TRAF3IP1: variants seen among roughly 807,000 people sequenced by gnomAD.
TRAF3IP1 encodes the protein intraflagellar transport 54.
Under a neutral mutation model 89.9 loss-of-function variants are expected in TRAF3IP1, and 53 were observed. The observed-to-expected ratio is 0.59, with a 90% CI of 0.47 to 0.74. The LOEUF (loss-of-function observed/expected upper bound fraction) is 0.74. Among genes scored for constraint, TRAF3IP1 ranks in the 30% least tolerant of loss-of-function variants. The pLI, the probability that TRAF3IP1 is intolerant of heterozygous loss-of-function variation, is 0.00. For missense variants in TRAF3IP1, 806 were observed against 866.1 expected, an observed-to-expected ratio of 0.93 and a Z score of 0.87; for synonymous variants, 311 against 322.1, an observed-to-expected ratio of 0.97 and a Z score of 0.37.
intron 15 of TRAF3IP1, among the ~76,000 whole-genome samples, chr2:238,388,169 G>A (rs1559395029): frequency 1.3e-5 from 2 of 152,222 alleles, no homozygotes; most frequent in East Asian, 3.9e-4. Flanking sequence ...GAGGTCAGGA[G>A]TTCAAGACTA....
At chr2:238,329,994 G>C (rs1698041132) in intron 5 of TRAF3IP1, among the ~76,000 whole-genome samples, 1 of 152,200 alleles carries the variant, frequency 6.6e-6, no homozygotes, top group African/African-American at 2.4e-5. Flanking sequence ...AGTTTGAGCT[G>C]ATTTGCCAAG....
chr2:238,321,750 G>A (rs1697558594), intron 1 of TRAF3IP1, among the ~76,000 whole-genome samples: 1 of 152,194 alleles, frequency 6.6e-6, no homozygotes, highest in Non-Finnish European at 1.5e-5. Context: ...GGACCCAAGG[G>A]CACGTGGGAA....
chr2:238,386,535 A>T (rs1273784342), intron 15 of TRAF3IP1, among the ~76,000 whole-genome samples: 4 of 151,514 alleles, frequency 2.6e-5, no homozygotes, highest in African/African-American at 4.9e-5. Flanking sequence ...CTGGTCTTGA[A>T]CTCCTGACCT....
At chr2:238,350,432 T>A (rs1018899765) in intron 12 of TRAF3IP1, among the ~76,000 whole-genome samples, 12 of 152,186 alleles carry the variant, frequency 7.9e-5, no homozygotes, top group Non-Finnish European at 1.3e-4. Context: ...TACTTATTTT[T>A]CTCATGAGCC....
chr2:238,369,935 T>C (rs1700036794), intron 15 of TRAF3IP1, among the ~76,000 whole-genome samples: 2 of 152,200 alleles, frequency 1.3e-5, no homozygotes, highest in South Asian at 2.1e-4. Flanking sequence ...TCTGGAGAGC[T>C]CCTTCAAGCT....
intron 15 of TRAF3IP1, among the ~76,000 whole-genome samples, chr2:238,382,901 G>C (rs1700606094): frequency 6.6e-6 from 1 of 151,586 alleles, no homozygotes. Flanking sequence ...CCCCAAGTTG[G>C]AAGCCACGTG....
In TRAF3IP1 at chr2:238,320,758, C is replaced by T. The variant is rs778071226; in HGVS notation, c.96C>T (p.Phe32=). 372 of 1,436,654 alleles carry T rather than the reference C, an allele frequency of 2.6e-4. No homozygotes were observed. Among genetic ancestry groups the T allele is most frequent in the Non-Finnish European group, 3.4e-4 (364 of 1,082,216 alleles). 89.0% of individuals were successfully genotyped at this position (1,436,654 alleles called of 1,614,324 possible). A position where few individuals can be genotyped will look rare whatever the true frequency, so the allele number is the denominator to read the frequency against. Residue 32 remains phenylalanine (F), a synonymous_variant, in exon 1 of 17, where the codon TTC becomes TTT. Transcript: ENST00000373327. ...AGAAGCTGCTGAGCAAGCCCCCGTT[C>T]CGCTACCTGCACGACATCATCACGG... ...LTEKLLSKPP[F]RYLHDIITEV...
In TRAF3IP1 at chr2:238,373,146, G is replaced by A. The variant is rs138629554; in HGVS notation, c.1689+17066G>A. Among the ~76,000 whole-genome samples the A allele has an allele frequency of 1.1e-3, 165 of 152,146 alleles. 2 individuals carry two copies. Among genetic ancestry groups the A allele is most frequent in the African/African-American group, 3.6e-3 (150 of 41,498 alleles). ...AAACTCTTTAGTTTAATTAGATCCCGTTTGTGTATTTTGGCTTTTGTTGCC... is the reference window on the plus strand; with the variant it reads ...AAACTCTTTAGTTTAATTAGATCCCATTTGTGTATTTTGGCTTTTGTTGCC... On this transcript the variant is annotated intron_variant, in intron 15 of 16. Coordinates refer to ENST00000373327, the MANE Select transcript of TRAF3IP1 (RefSeq NM_015650.4).
chr2:238,386,925 T>C (rs1311679118), intron 15 of TRAF3IP1, among the ~76,000 whole-genome samples: 1 of 152,230 alleles, frequency 6.6e-6, no homozygotes, highest in African/African-American at 2.4e-5. Context: ...AATGATATTT[T>C]GCTCTGTATG....
Position 238,329,261 on chromosome 2 carries a change from C to T in TRAF3IP1, c.834C>T (p.Asp278=). 6.6e-7 allele frequency: 1 copy of T among 1,511,378 alleles called. No homozygotes were observed. The highest frequency in any genetic ancestry group is 8.8e-7 in the Non-Finnish European group (1 of 1,132,892). The allele number at this position is 1,511,378 out of a possible 1,614,324, so 93.6% of individuals were successfully genotyped here. A position where few individuals can be genotyped will look rare whatever the true frequency, so the allele number is the denominator to read the frequency against. Residue 278 remains aspartate (D), a synonymous_variant, in exon 5 of 17, where the codon GAC becomes GAT. Transcript: ENST00000373327. The part of the protein sequence containing the change: ...ERDRDKGKDR[D]RRRVKNGEHS... ...ACCGGGACAAAGGGAAGGACAGGGACAGACGGAGAGTGAAAAACGGGGAGC... is the reference window on the plus strand; with the variant it reads ...ACCGGGACAAAGGGAAGGACAGGGATAGACGGAGAGTGAAAAACGGGGAGC...
At position 238,333,972 on chromosome 2, in the gene TRAF3IP1, A is replaced by T. The variant is rs1222939838; in HGVS notation, c.1000A>T (p.Thr334Ser). Residue 334 changes from threonine (T) to serine (S), a missense_variant, in exon 7 of 17, where the codon ACT becomes TCT. By Grantham distance (58) the Thr-to-Ser change is moderately conservative. Transcript: ENST00000373327. The part of the protein sequence containing the change: ...SKAETETEIS[T>S]RASKSLTTKT... Reference sequence around the variant, plus strand: ...TTTTTTCTTTAAGACTGAGATTTCCACTAGAGCTTCCAAGTCATTGACAAC... The same window carrying T: ...TTTTTTCTTTAAGACTGAGATTTCCTCTAGAGCTTCCAAGTCATTGACAAC... 1 of 1,609,188 alleles carries T rather than the reference A, an allele frequency of 6.2e-7. No individual in the cohort carries two copies.
chr2:238,328,868 G>A (rs1305512245), intron 4 of TRAF3IP1, 39 bp downstream of exon 4: 1 of 1,601,298 alleles, frequency 6.2e-7, no homozygotes, highest in Admixed American at 1.7e-5. Context: ...ATGAAATAGT[G>A]AGTCTTTTTG....
In TRAF3IP1 at chr2:238,325,321, G is replaced by T. The variant is rs1448446488; in HGVS notation, c.139G>T (p.Gly47Cys). 2.5e-6 allele frequency: 4 copies of T among 1,614,002 alleles called. No individual in the cohort carries two copies. The highest frequency in any genetic ancestry group is 2.7e-5 in the African/African-American group (2 of 74,908). Reference protein sequence around the residue: ...DIITEVIRMTGFMKGLYTDAE... With the variant: ...DIITEVIRMTCFMKGLYTDAE... ...TCTCTTGAAGGTGATTAGAATGACT[G>T]GTTTCATGAAGGGCCTCTACACAGA... The change falls in exon 2 of 17, where the codon GGT (glycine) becomes TGT (cysteine). Residue 47 changes from glycine to cysteine, a missense_variant. Physicochemically the swap from Gly to Cys is radical, Grantham distance 159. This residue lies in a region of TRAF3IP1 where 732 missense variants were observed against 780.5 expected (regional missense o/e 0.94). Transcript: ENST00000373327.
intron 12 of TRAF3IP1, among the ~76,000 whole-genome samples, chr2:238,350,144 A>G (rs895546998): frequency 2.6e-5 from 4 of 152,210 alleles, no homozygotes; most frequent in Admixed American, 2.0e-4. Flanking sequence ...TTCAGATCAA[A>G]TAAGAGGCAG....
chr2:238,324,808 T>C (rs1260913694), intron 1 of TRAF3IP1, among the ~76,000 whole-genome samples: 3 of 152,004 alleles, frequency 2.0e-5, no homozygotes, highest in Non-Finnish European at 2.9e-5. Context: ...TTCACCATGT[T>C]GGCCAGGATG....
chr2:238,356,094 T>G lies in TRAF3IP1; in HGVS notation c.1689+14T>G. The G allele has an allele frequency of 6.3e-7, 1 of 1,599,216 alleles. No individual in the cohort carries two copies. Among genetic ancestry groups the G allele is most frequent in the Non-Finnish European group, 8.6e-7 (1 of 1,166,856 alleles). ...CCTGGGGAGAAGGTAATGGAATGAT[T>G]TCCATAAACACTGGCATTTTAGCAG... On this transcript the variant is annotated intron_variant, in intron 15 of 16. Coordinates refer to ENST00000373327, the MANE Select transcript of TRAF3IP1 (RefSeq NM_015650.4).
intron 15 of TRAF3IP1, among the ~76,000 whole-genome samples, chr2:238,393,924 C>T (rs115697916): frequency 1.9e-3 from 293 of 152,312 alleles, no homozygotes; most frequent in African/African-American, 6.8e-3. Context: ...TTGAAGCCTA[C>T]GCGGTGGCTC....
In TRAF3IP1 at chr2:238,325,942, A is replaced by C. The variant is rs1406745027; in HGVS notation, c.326A>C (p.Gln109Pro). 6.2e-7 allele frequency: 1 copy of C among 1,613,460 alleles called. No homozygotes were observed. The highest frequency in any genetic ancestry group is 1.7e-5 in the Admixed American group (1 of 59,804). Residue 109 changes from glutamine to proline, a missense_variant, in exon 3 of 17, where the codon CAG (glutamine) becomes CCG (proline). This residue lies in a region of TRAF3IP1 where 732 missense variants were observed against 780.5 expected (regional missense o/e 0.94). Transcript: ENST00000373327. ...HEPERTNELL[Q>P]IIGKCCLNKL... Reference sequence around the variant, plus strand: ...CCTGAAAGAACAAACGAGCTGCTCCAGATAATTGGAAAATGCTGTCTCAAC... The same window carrying C: ...CCTGAAAGAACAAACGAGCTGCTCCCGATAATTGGAAAATGCTGTCTCAAC...
intron 1 of TRAF3IP1, among the ~76,000 whole-genome samples, chr2:238,323,102 G>T: frequency 6.7e-6 from 1 of 149,288 alleles, no homozygotes; most frequent in African/African-American, 2.5e-5. Context: ...TTTTTTAGAG[G>T]GATTCTTGCT....
Sources: allele counts gnomAD v4.1 joint callset (sites outside exome capture counted in the v4.1 genomes callset), GRCh38; gene constraint gnomAD v4.1.1; regional missense constraint gnomAD v4.1.1; transcripts MANE v1.5; gene names NCBI Gene and HGNC (gene_info 2026-07-23, HGNC 2026-07-21).